The following CAMTA1 variants were observed in gnomAD, a reference collection of about 807,000 sequenced individuals.
CAMTA1 encodes calmodulin-binding transcription activator 1.
CAMTA1 carries 27 observed loss-of-function variants against 170.9 expected under a neutral mutation model. The observed-to-expected ratio is 0.16, with a 90% CI of 0.12 to 0.22. The LOEUF is 0.22. Among genes scored for constraint, CAMTA1 ranks in the 10% least tolerant of loss-of-function variants. CAMTA1 has a pLI of 1.00. For missense variants in CAMTA1, 1,619 were observed against 2,217.2 expected (o/e 0.73, Z 5.42); for synonymous variants, 833 against 891.5 (o/e 0.93, Z 1.17).
At chr1:6,792,784 C>T (rs368747150) in intron 1 of CAMTA1, among the ~76,000 whole-genome samples, 16 of 152,206 alleles carry the variant, frequency 1.1e-4, no homozygotes, top group South Asian at 4.1e-4. Context: ...TTTCAAGTCA[C>T]GTAACATATC....
intron 6 of CAMTA1, among the ~76,000 whole-genome samples, chr1:7,545,255 T>C (rs561322211): frequency 2.0e-5 from 3 of 152,308 alleles, no homozygotes; most frequent in African/African-American, 7.2e-5. Context: ...TTCTGAACCA[T>C]TTGAAATTTG....
intron 3 of CAMTA1, among the ~76,000 whole-genome samples, chr1:6,858,254 AT>A (rs997343254): frequency 6.6e-6 from 1 of 152,098 alleles, no homozygotes; most frequent in African/African-American, 2.4e-5. Context: ...CATGGCATTC[AT>A]TTTGTTTACT....
intron 6 of CAMTA1, among the ~76,000 whole-genome samples, chr1:7,625,745 G>A (rs2095628908): frequency 6.6e-6 from 1 of 152,260 alleles, no homozygotes; most frequent in South Asian, 2.1e-4. Context: ...TGGTATTCAG[G>A]ATGTCGAGCC....
chr1:7,456,915 G>C lies in CAMTA1; in HGVS notation c.439-10915G>C, dbSNP rs538924691. On this transcript the variant is annotated intron_variant, in intron 5 of 22. Coordinates refer to ENST00000303635, the MANE Select transcript of CAMTA1 (RefSeq NM_015215.4). This position sits in a 1 kb window ranked among gnomAD's most constrained non-coding sequence, Gnocchi z 4.9. ...CTGACGAGAACAGCCCATGTGGAGC[G>C]TGCAGCAAGGCCCAGATGGGAGCAG... 6.6e-6 allele frequency among the ~76,000 whole-genome samples: 1 copy of C among 152,166 alleles called. No homozygotes were observed. Among genetic ancestry groups the C allele is most frequent in the Admixed American group, 6.5e-5 (1 of 15,290 alleles).
chr1:7,263,971 CATTTCAAT>C (rs1207932442), intron 5 of CAMTA1, among the ~76,000 whole-genome samples: 1 of 152,128 alleles, frequency 6.6e-6, no homozygotes, highest in Non-Finnish European at 1.5e-5. Flanking sequence ...ATGGATTGCT[CATTTCAAT>C]ATATGTTAGA....
chr1:7,419,748 G>GAACCAGGAGGT (rs2091437142), intron 5 of CAMTA1, among the ~76,000 whole-genome samples: 1 of 152,068 alleles, frequency 6.6e-6, no homozygotes, highest in Non-Finnish European at 1.5e-5. Flanking sequence ...GCCTCCTCCT[G>GAACCAGGAGGT]TCATCCCACC....
chr1:7,259,481 G>A (rs74650479), intron 5 of CAMTA1, among the ~76,000 whole-genome samples: 2,094 of 152,288 alleles, frequency 0.014, 46 homozygotes, highest in African/African-American at 0.041. Context: ...CTGCGTCTTA[G>A]TATGAGCCCC....
intron 12 of CAMTA1, among the ~76,000 whole-genome samples, chr1:7,733,679 A>AC (rs398102421): frequency 1.3e-5 from 2 of 149,970 alleles, no homozygotes; most frequent in Non-Finnish European, 3.0e-5. Flanking sequence ...TGCAAAAAAA[A>AC]CCTCAAATAA....
At chr1:6,824,042 AC>A (rs1434821431) in intron 2 of CAMTA1, among the ~76,000 whole-genome samples, 1 of 152,094 alleles carries the variant, frequency 6.6e-6, no homozygotes, top group Non-Finnish European at 1.5e-5. Context: ...TGGACTCTTG[AC>A]TCTGAGTTCA....
At chr1:6,913,798 G>C (rs1379239246) in intron 3 of CAMTA1, among the ~76,000 whole-genome samples, 1 of 151,948 alleles carries the variant, frequency 6.6e-6, no homozygotes, top group African/African-American at 2.4e-5. Context: ...TTAAGGCAGA[G>C]TAGGATGTTT....
chr1:6,867,273 A>G (rs964217730), intron 3 of CAMTA1, among the ~76,000 whole-genome samples: 3 of 152,122 alleles, frequency 2.0e-5, no homozygotes, highest in African/African-American at 7.2e-5. Flanking sequence ...AAAAAAAGTT[A>G]CATTATTGAG....
At position 7,010,729 on chromosome 1, in the gene CAMTA1, C is replaced by G. The variant is rs1013218622; in HGVS notation, c.235-80575C>G. ...CCACACCCACCCTCACTGCCACCCC[C>G]AGCCCCAGCCTTCCTTTGTGCCCGT... On this transcript the variant is annotated intron_variant, in intron 3 of 22. Transcript: ENST00000303635. The surrounding 1 kb of genome is among the most constrained non-coding windows in gnomAD (Gnocchi z 4.4). Among the ~76,000 whole-genome samples, 2 of 152,210 alleles carry G rather than the reference C, an allele frequency of 1.3e-5. No individual in the cohort carries two copies. The highest frequency in any genetic ancestry group is 4.8e-5 in the African/African-American group (2 of 41,468).
chr1:7,508,276 A>C (rs887622144), intron 6 of CAMTA1, among the ~76,000 whole-genome samples: 3 of 152,182 alleles, frequency 2.0e-5, no homozygotes, highest in African/African-American at 4.8e-5. Context: ...GGGGAGCACC[A>C]GTGGTGGGCA....
intron 3 of CAMTA1, chr1:6,834,217 G>T (rs538808200): frequency 7.0e-6 from 1 of 143,792 alleles, no homozygotes; most frequent in African/African-American, 2.6e-5. Flanking sequence ...CAATTCAGTA[G>T]TTGTTTATTT....
At chr1:7,347,736 T>G (rs1359338395) in intron 5 of CAMTA1, among the ~76,000 whole-genome samples, 1 of 152,164 alleles carries the variant, frequency 6.6e-6, no homozygotes, top group Non-Finnish European at 1.5e-5. Context: ...CCCCCCGGCT[T>G]GCAGCTGCGT....
At chr1:7,424,451 A>AG (rs1048211110) in intron 5 of CAMTA1, among the ~76,000 whole-genome samples, 6 of 5,388 alleles carry the variant, frequency 1.1e-3, no homozygotes, top group African/African-American at 2.5e-3. Flanking sequence ...TGGGAGGATG[A>AG]GGGGGGGTGG....
At chr1:7,267,523 C>T (rs1017008183) in intron 5 of CAMTA1, among the ~76,000 whole-genome samples, 1 of 152,124 alleles carries the variant, frequency 6.6e-6, no homozygotes, top group Non-Finnish European at 1.5e-5. Flanking sequence ...CCAGAGGCTC[C>T]AGAGGCTCTC....
intron 4 of CAMTA1, among the ~76,000 whole-genome samples, chr1:7,139,106 A>C (rs1412293656): frequency 2.2e-5 from 3 of 138,468 alleles, no homozygotes; most frequent in Non-Finnish European, 4.6e-5. Context: ...TTTATTTATA[A>C]AATAAACAAA....
rs1696076846 is a variant in CAMTA1 at position 6,989,943 on chromosome 1, G to A, written c.235-101361G>A. ...AGAGCAAGGAGAATGGGGGAGTGGG[G>A]CAGCAACATGACCTCTGCATTCCAG... On this transcript the variant is annotated intron_variant, in intron 3 of 22. Transcript: ENST00000303635. Among the ~76,000 whole-genome samples the A allele has an allele frequency of 2.0e-5, 3 of 152,180 alleles. No homozygotes were observed. The South Asian group carries it at 6.2e-4, about 32-fold the overall frequency.
Sources: gnomAD v4.1 joint callset for allele counts (sites outside exome capture counted in the v4.1 genomes callset) on GRCh38, gnomAD v4.1.1 for gene constraint, Gnocchi (gnomAD v3.1) non-coding constraint, MANE v1.5 for transcripts, NCBI Gene and HGNC (gene_info 2026-07-23, HGNC 2026-07-21) for gene names.